The following FOXP2 variants were observed in gnomAD, a reference collection of about 807,000 sequenced individuals.
The protein encoded by FOXP2 is forkhead box protein P2.
Under a neutral mutation model 115.8 loss-of-function variants are expected in FOXP2, and 12 were observed. The observed-to-expected ratio is 0.10, with a 90% CI of 0.07 to 0.17. The LOEUF is 0.17. FOXP2 is among the 10% of genes least tolerant of loss of function. The pLI is 1.00. For synonymous variants in FOXP2, 328 were observed against 297.7 expected (o/e 1.10, Z -1.05); for missense variants, 629 against 843.5 (o/e 0.75, Z 3.15).
intron 3 of FOXP2, among the ~76,000 whole-genome samples, chr7:114,601,168 G>A (rs1803005318): frequency 1.3e-5 from 2 of 152,090 alleles, no homozygotes; most frequent in South Asian, 4.1e-4. Context: ...GTTTCGCCAT[G>A]TTGGCTAGGC....
At chr7:114,460,515 T>C (rs1023489914) in intron 2 of FOXP2, among the ~76,000 whole-genome samples, 33 of 152,212 alleles carry the variant, frequency 2.2e-4, no homozygotes, top group African/African-American at 8.0e-4. Flanking sequence ...TGGGATACTG[T>C]AGTGCAGAGG....
intron 16 of FOXP2, among the ~76,000 whole-genome samples, chr7:114,670,181 C>A (rs1386628831): frequency 6.6e-6 from 1 of 151,892 alleles, no homozygotes; most frequent in African/African-American, 2.4e-5. Flanking sequence ...TTATTATTTT[C>A]TCCTGTTAGT....
intron 2 of FOXP2, among the ~76,000 whole-genome samples, chr7:114,333,943 A>G (rs577945275): frequency 6.6e-6 from 1 of 151,998 alleles, no homozygotes; most frequent in African/African-American, 2.4e-5. Context: ...AGTTCTCTGT[A>G]GCTTCTTCTC....
At chr7:114,234,928 T>C (rs569486696) in intron 1 of FOXP2, among the ~76,000 whole-genome samples, 34 of 152,186 alleles carry the variant, frequency 2.2e-4, no homozygotes, top group Admixed American at 7.9e-4. Context: ...AAAGGCCACT[T>C]TCTCTGGGAA....
At chr7:114,617,047 T>C (rs1292053677) in intron 3 of FOXP2, among the ~76,000 whole-genome samples, 1 of 152,240 alleles carries the variant, frequency 6.6e-6, no homozygotes, top group Non-Finnish European at 1.5e-5. Context: ...ATTGTGCCAC[T>C]GCACTCCAGC....
chr7:114,361,714 C>G (rs1465039409), intron 2 of FOXP2, among the ~76,000 whole-genome samples: 1 of 151,920 alleles, frequency 6.6e-6, no homozygotes, highest in East Asian at 1.9e-4. Context: ...TTTGCATTGT[C>G]ATTAATTCAG....
chr7:114,425,965 A>G (rs1402423451), intron 1 of FOXP2, among the ~76,000 whole-genome samples: 1 of 151,712 alleles, frequency 6.6e-6, no homozygotes, highest in Non-Finnish European at 1.5e-5. Context: ...AACCCATTAT[A>G]CTATTTATCA....
intron 1 of FOXP2, among the ~76,000 whole-genome samples, chr7:114,157,255 A>G (rs573051271): frequency 2.6e-5 from 4 of 152,248 alleles, no homozygotes; most frequent in African/African-American, 9.6e-5. Context: ...AGGTATGTGG[A>G]CAAATGTATT....
At chr7:114,474,020 C>T (rs1271416532) in intron 2 of FOXP2, among the ~76,000 whole-genome samples, 1 of 152,178 alleles carries the variant, frequency 6.6e-6, no homozygotes, top group Non-Finnish European at 1.5e-5. Flanking sequence ...AGATGTTTTA[C>T]ATTTTCACCA....
chr7:114,559,616 C>T (rs867589889), intron 3 of FOXP2, among the ~76,000 whole-genome samples: 2 of 152,192 alleles, frequency 1.3e-5, no homozygotes, highest in African/African-American at 2.4e-5. Flanking sequence ...GGCGCGGTGG[C>T]TCACGCCTGT....
chr7:114,501,402 G>A (rs1000807620), intron 2 of FOXP2, among the ~76,000 whole-genome samples: 1 of 151,924 alleles, frequency 6.6e-6, no homozygotes, highest in Non-Finnish European at 1.5e-5. Flanking sequence ...AAAATCACTG[G>A]GATAGTGCTG....
chr7:114,397,979 TAA>T (rs1477565172), intron 2 of FOXP2, among the ~76,000 whole-genome samples: 1 of 152,092 alleles, frequency 6.6e-6, no homozygotes, highest in Non-Finnish European at 1.5e-5. Flanking sequence ...AATCGAAGAT[TAA>T]GTTTTTTTTT....
intron 1 of FOXP2, among the ~76,000 whole-genome samples, chr7:114,124,722 T>TC (rs1191682176): frequency 6.6e-6 from 1 of 151,976 alleles, no homozygotes. Context: ...TCCTCTTTCC[T>TC]CTTCCCAACC....
chr7:114,097,818 C>T (rs966632054), intron 1 of FOXP2, among the ~76,000 whole-genome samples: 1 of 152,178 alleles, frequency 6.6e-6, no homozygotes, highest in Middle Eastern at 3.2e-3. Context: ...ACAGAAGAAG[C>T]TCATTATCAA....
intron 1 of FOXP2, among the ~76,000 whole-genome samples, chr7:114,274,305 T>C (rs1234748210): frequency 1.3e-5 from 2 of 152,096 alleles, no homozygotes; most frequent in Non-Finnish European, 2.9e-5. Context: ...GATATGTACA[T>C]TGAGATTATT....
intron 2 of FOXP2, among the ~76,000 whole-genome samples, chr7:114,445,926 G>A (rs1331318425): frequency 2.0e-5 from 3 of 152,042 alleles, no homozygotes; most frequent in African/African-American, 4.8e-5. Flanking sequence ...CCATTCAGTT[G>A]TAGAGAACTA....
chr7:114,624,905 C>G (rs1447893550), intron 3 of FOXP2, among the ~76,000 whole-genome samples: 1 of 151,214 alleles, frequency 6.6e-6, no homozygotes. Context: ...CTTACCTATT[C>G]TAGGATAATA....
intron 1 of FOXP2, among the ~76,000 whole-genome samples, chr7:114,179,375 GT>G (rs892896163): frequency 4.6e-5 from 7 of 151,770 alleles, no homozygotes; most frequent in Non-Finnish European, 1.0e-4. Context: ...AAACATTTTT[GT>G]TTTCTAGTAG....
chr7:114,476,905 T>C (rs1339321285), intron 2 of FOXP2, among the ~76,000 whole-genome samples: 3 of 151,994 alleles, frequency 2.0e-5, no homozygotes, highest in African/African-American at 7.2e-5. Context: ...GCAAAAGTGC[T>C]CAGCATCACT....
Sources: allele counts gnomAD v4.1 joint callset (sites outside exome capture counted in the v4.1 genomes callset), GRCh38; gene constraint gnomAD v4.1.1; transcripts MANE v1.5; gene names NCBI Gene and HGNC (gene_info 2026-07-23, HGNC 2026-07-21).